Variants in ACOT7 observed in about 807,000 individuals in gnomAD.
The protein encoded by ACOT7 is cytosolic acyl coenzyme A thioester hydrolase.
In ACOT7, 12 loss-of-function variants were observed where a neutral mutation model predicts 40.2. The ratio of observed to expected loss-of-function variants is 0.30; its 90% CI spans 0.19 to 0.48. ACOT7 has a LOEUF of 0.48. ACOT7 is among the 20% of genes least tolerant of loss of function. The pLI, the probability that ACOT7 is intolerant of heterozygous loss-of-function variation, is 0.99. For synonymous variants in ACOT7, 228 were observed against 219.5 expected (o/e 1.04, Z -0.34); for missense variants, 395 against 530.8 (o/e 0.74, Z 2.51).
intron 8 of ACOT7, among the ~76,000 whole-genome samples, chr1:6,267,579 A>T (rs574915678): frequency 3.9e-5 from 6 of 152,356 alleles, no homozygotes; most frequent in South Asian, 4.1e-4. Flanking sequence ...TTGGGGATCT[A>T]TGCACTAAAT....
At chr1:6,348,840 T>A (rs1641507549) in intron 2 of ACOT7, among the ~76,000 whole-genome samples, 1 of 152,186 alleles carries the variant, frequency 6.6e-6, no homozygotes, top group Non-Finnish European at 1.5e-5. Flanking sequence ...CCTCCGCTGG[T>A]CCCTGGTCTC....
chr1:6,328,345 G>GT (rs1557652916), intron 4 of ACOT7, among the ~76,000 whole-genome samples: 1 of 152,090 alleles, frequency 6.6e-6, no homozygotes, highest in Non-Finnish European at 1.5e-5. Flanking sequence ...GACTCCAGAA[G>GT]TTAAAAATAA....
Position 6,301,663 on chromosome 1 carries a change from AC to A in ACOT7, c.713-6684del, listed in dbSNP as rs1251317807. On this transcript the variant is annotated intron_variant, in intron 6 of 8. Coordinates refer to ENST00000361521, the MANE Select transcript of ACOT7 (RefSeq NM_007274.4). The surrounding 1 kb of genome is among the most constrained non-coding windows in gnomAD (Gnocchi z 4.1). ...ATGAATGCAGGTTGACTAACAGGTC[AC>A]AACCAGCCCAAGCAAGCTGCCCCAG... Among the ~76,000 whole-genome samples the A allele has an allele frequency of 1.3e-5, 2 of 152,244 alleles. No homozygotes were observed. Among genetic ancestry groups the A allele is most frequent in the East Asian group, 3.8e-4 (2 of 5,204 alleles).
At chr1:6,336,952 T>C (rs1429258868) in intron 3 of ACOT7, among the ~76,000 whole-genome samples, 2 of 152,006 alleles carry the variant, frequency 1.3e-5, no homozygotes, top group Admixed American at 6.6e-5. Context: ...GACCAAGATA[T>C]GGAGAAAAGC....
intron 1 of ACOT7, chr1:6,385,722 C>T: frequency 1.3e-6 from 2 of 1,562,598 alleles, no homozygotes; most frequent in Admixed American, 1.9e-5. Flanking sequence ...CCCAGCAGAG[C>T]CCAAGCCTGT....
In ACOT7 at chr1:6,281,286, C is replaced by A; in HGVS notation, c.830G>T (p.Gly277Val). Residue 277 changes from glycine to valine, a missense_variant and splice_region_variant, in exon 8 of 9, where the codon GGC becomes GTC. Gly to Val is a moderately radical substitution (Grantham distance 109). Around this residue, in one of 2 missense-constraint regions of ACOT7, gnomAD observed 309 missense variants for 470.3 expected, o/e 0.66. Coordinates refer to ENST00000361521, the MANE Select transcript of ACOT7 (RefSeq NM_007274.4). ...AINFHDKIRK[G>V]CVITISGRMT... ...GCGTCCCGAGATGGTGATGACGCAG[C>A]CTGTGGAGAAGGGAGGGCGGGGGTC... The A allele has an allele frequency of 6.2e-7, 1 of 1,612,982 alleles. No individual in the cohort carries two copies. The highest frequency in any genetic ancestry group is 8.5e-7 in the Non-Finnish European group (1 of 1,179,816).
intron 6 of ACOT7, among the ~76,000 whole-genome samples, chr1:6,312,482 G>A (rs558445082): frequency 2.4e-5 from 3 of 123,724 alleles, no homozygotes; most frequent in Non-Finnish European, 4.7e-5. Flanking sequence ...TCTTTATTTC[G>A]AGGCAGAGTC....
At chr1:6,364,557 GC>G (rs1463494344) in intron 1 of ACOT7, among the ~76,000 whole-genome samples, 1 of 127,854 alleles carries the variant, frequency 7.8e-6, no homozygotes, top group Non-Finnish European at 1.6e-5. Flanking sequence ...AAAAAAAAAA[GC>G]CCAGCATTTG....
At chr1:6,331,034 C>T (rs1640938876) in intron 4 of ACOT7, among the ~76,000 whole-genome samples, 1 of 152,180 alleles carries the variant, frequency 6.6e-6, no homozygotes, top group African/African-American at 2.4e-5. Context: ...CTGCGGAGAA[C>T]AGCCAGGAGC....
In ACOT7 at chr1:6,335,724, C is replaced by T. The variant is rs560948026; in HGVS notation, c.419-2156G>A. On this transcript the variant is annotated intron_variant, in intron 3 of 8. Coordinates refer to ENST00000361521, the MANE Select transcript of ACOT7 (RefSeq NM_007274.4). Reference sequence around the variant, plus strand: ...AGGCTCCAAATCAAGCCCCAGGGGGCCCATTAAGAAAAGGCCTGTGCCTGC... The same window carrying T: ...AGGCTCCAAATCAAGCCCCAGGGGGTCCATTAAGAAAAGGCCTGTGCCTGC... Among the ~76,000 whole-genome samples the T allele has an allele frequency of 2.0e-5, 3 of 152,224 alleles. No individual in the cohort carries two copies. The East Asian group carries it at 5.8e-4, about 29-fold the overall frequency.
rs953545270 is a variant in ACOT7 at position 6,288,725 on chromosome 1, A to G, written c.829+6139T>C. Among the ~76,000 whole-genome samples the G allele has an allele frequency of 6.6e-5, 10 of 152,234 alleles. No homozygotes were observed. Among genetic ancestry groups the G allele is most frequent in the African/African-American group, 2.2e-4 (9 of 41,472 alleles). On this transcript the variant is annotated intron_variant, in intron 7 of 8. Transcript: ENST00000361521. The surrounding 1 kb of genome is among the most constrained non-coding windows in gnomAD (Gnocchi z 4.3). ...CAGCCAACAGAGCTGGGCCCACGGC[A>G]GGGTGGCAGTGGCCTCCATGGCCGC...
chr1:6,329,274 G>C (rs1238997884), intron 4 of ACOT7, among the ~76,000 whole-genome samples: 1 of 152,240 alleles, frequency 6.6e-6, no homozygotes, highest in Non-Finnish European at 1.5e-5. Context: ...TTCAAAAGAG[G>C]CTGAGAAGGG....
chr1:6,294,756 C>T lies in ACOT7; in HGVS notation c.829+108G>A, dbSNP rs1172771623. 1.4e-5 allele frequency: 11 copies of T among 799,760 alleles called. No individual in the cohort carries two copies. Among genetic ancestry groups the T allele is most frequent in the Non-Finnish European group, 2.3e-5 (11 of 483,682 alleles). 49.5% of individuals were successfully genotyped at this position (799,760 alleles called of 1,614,324 possible). A position where few individuals can be genotyped will look rare whatever the true frequency, so the allele number is the denominator to read the frequency against. On this transcript the variant is annotated intron_variant, in intron 7 of 8. Transcript: ENST00000361521. This position sits in a 1 kb window ranked among gnomAD's most constrained non-coding sequence, Gnocchi z 4.6. Reference sequence around the variant, plus strand: ...TCCTGTTCCCTGTGGCAGATGGGCACACACCAAGGCCCACATGACCCTGGG... The same window carrying T: ...TCCTGTTCCCTGTGGCAGATGGGCATACACCAAGGCCCACATGACCCTGGG...
intron 6 of ACOT7, among the ~76,000 whole-genome samples, chr1:6,308,837 C>CTGGGCGGAGGGAAA (rs1432940534): frequency 8.6e-6 from 1 of 116,146 alleles, no homozygotes; most frequent in Non-Finnish European, 1.9e-5. Flanking sequence ...GCGGAGGGAA[C>CTGGGCGGAGGGAAA]AGCGACCGGA....
intron 4 of ACOT7, among the ~76,000 whole-genome samples, chr1:6,331,445 C>G (rs72633429): frequency 0.061 from 9,227 of 152,324 alleles, 363 homozygotes; most frequent in Non-Finnish European, 0.088. Flanking sequence ...AGGAGGGATC[C>G]TCGCCTGGGG....
intron 1 of ACOT7, among the ~76,000 whole-genome samples, chr1:6,351,538 C>T (rs1368238290): frequency 1.3e-5 from 2 of 152,228 alleles, no homozygotes; most frequent in African/African-American, 2.4e-5. Context: ...GGGCCTTCCC[C>T]GCACCAGCTG....
chr1:6,300,819 G>T (rs61763879), intron 6 of ACOT7, among the ~76,000 whole-genome samples: 2 of 123,648 alleles, frequency 1.6e-5, no homozygotes. Flanking sequence ...ATGCGCGGCC[G>T]GTCCCTCTCC....
intron 3 of ACOT7, among the ~76,000 whole-genome samples, chr1:6,336,496 G>T (rs1480933147): frequency 6.6e-6 from 1 of 152,178 alleles, no homozygotes; most frequent in Non-Finnish European, 1.5e-5. Flanking sequence ...TCGTCTGCCT[G>T]GGCCTGTGCT....
chr1:6,356,376 C>A (rs1641744158), intron 1 of ACOT7, among the ~76,000 whole-genome samples: 1 of 152,182 alleles, frequency 6.6e-6, no homozygotes, highest in African/African-American at 2.4e-5. Flanking sequence ...AGCCCCGAGG[C>A]AGCAGCGGCA....
Sources: gnomAD v4.1 joint callset for allele counts (sites outside exome capture counted in the v4.1 genomes callset) on GRCh38, gnomAD v4.1.1 for gene constraint, gnomAD v4.1.1 regional missense constraint, Gnocchi (gnomAD v3.1) non-coding constraint, MANE v1.5 for transcripts, NCBI Gene and HGNC (gene_info 2026-07-23, HGNC 2026-07-21) for gene names.